RBM38: variants seen among roughly 807,000 people sequenced by gnomAD.
RBM38 encodes RNA binding motif protein 38.
Under a neutral mutation model 23.5 loss-of-function variants are expected in RBM38, and 11 were observed. The observed-to-expected ratio is 0.47, with a 90% CI of 0.29 to 0.77. The LOEUF (loss-of-function observed/expected upper bound fraction) is 0.77, where lower values mean the gene tolerates loss of function less well. Ranked by LOEUF, RBM38 falls within the 30% of genes least tolerant of loss-of-function variation. The pLI, the probability that RBM38 is intolerant of heterozygous loss-of-function variation, is 0.08. For missense variants in RBM38, 330 were observed against 351.9 expected (o/e 0.94, Z 0.50); for synonymous variants, 165 against 166.1 (o/e 0.99, Z 0.05).
intron 1 of RBM38, 76 bp from the exon 2 acceptor site, chr20:57,392,578 G>C (rs2067231196): frequency 6.5e-7 from 1 of 1,530,602 alleles, no homozygotes. Context: ...AGCATCCGGT[G>C]CCAGGGCGGA....
At chr20:57,403,644 CAG>C (rs1568812490) in intron 3 of RBM38, among the ~76,000 whole-genome samples, 4 of 151,708 alleles carry the variant, frequency 2.6e-5, no homozygotes, top group South Asian at 2.1e-4. Context: ...TTTTTTGAGA[CAG>C]AGTTTTGCTC....
rs553970181 is a variant in RBM38, at chr20:57,392,323, G to C, written c.238-331G>C. The C allele has an allele frequency of 8.0e-5, 78 of 972,620 alleles. No individual in the cohort carries two copies. The Admixed American group carries it at 1.3e-3, about 16-fold the overall frequency. The allele number at this position is 972,620 out of a possible 1,614,324, so 60.2% of individuals were successfully genotyped here. ...AAACTCCTTCTCAGAGGAAAGTCTC[G>C]GCCCTCACTGGTGGGCAAGTCCAGG... On this transcript the variant is annotated intron_variant, in intron 1 of 3. Coordinates refer to ENST00000356208, the MANE Select transcript of RBM38 (RefSeq NM_017495.6).
intron 3 of RBM38, among the ~76,000 whole-genome samples, chr20:57,399,355 G>A (rs745528750): frequency 1.3e-5 from 2 of 152,216 alleles, no homozygotes; most frequent in Non-Finnish European, 2.9e-5. Context: ...GTATTGTGGT[G>A]GTTGGAGGCC....
chr20:57,392,668 C>T lies in RBM38; in HGVS notation c.252C>T (p.Asp84=), dbSNP rs1323109685. Reference sequence around the variant, plus strand: ...TGCTCCACCAGGTGACCATGGCCGACCGGGCGGCAGCTGAGAGGGCTTGCA... The same window carrying T: ...TGCTCCACCAGGTGACCATGGCCGATCGGGCGGCAGCTGAGAGGGCTTGCA... ...SRGYGFVTMA[D]RAAAERACKD... Residue 84 remains aspartate (D), a synonymous_variant, in exon 2 of 4, where the codon GAC becomes GAT. Coordinates refer to ENST00000356208, the MANE Select transcript of RBM38 (RefSeq NM_017495.6). 4 of 1,612,084 alleles carry T rather than the reference C, an allele frequency of 2.5e-6. No individual in the cohort carries two copies. Among genetic ancestry groups the T allele is most frequent in the Admixed American group, 1.7e-5 (1 of 59,860 alleles).
rs201066490 is a variant in RBM38, at chr20:57,407,757, G to A, written c.631G>A (p.Val211Met). 10,229 of 1,610,006 alleles carry A rather than the reference G, an allele frequency of 6.4e-3. 56 individuals are homozygous for A. Among genetic ancestry groups the A allele is most frequent in the South Asian group, 0.015 (1,337 of 90,808 alleles). ...SFVGYSYPAA[V>M]PQALSAAAPA... ...CGTGGGCTACAGCTACCCTGCCGCCGTGCCCCAGGCCCTCTCAGCCGCAGC... is the reference window on the plus strand; with the variant it reads ...CGTGGGCTACAGCTACCCTGCCGCCATGCCCCAGGCCCTCTCAGCCGCAGC... The change falls in exon 4 of 4, where the codon GTG becomes ATG. Residue 211 changes from valine (V) to methionine (M), a missense_variant. By Grantham distance (21) the Val-to-Met change is conservative (BLOSUM62 1). This residue lies in a region of RBM38 where 227 missense variants were observed against 216.4 expected (regional missense o/e 1.05). Transcript: ENST00000356208. The surrounding 1 kb of genome is among the most constrained non-coding windows in gnomAD (Gnocchi z 4.0).
At chr20:57,394,230 GAT>G (rs1288826151) in intron 3 of RBM38, among the ~76,000 whole-genome samples, 1 of 152,214 alleles carries the variant, frequency 6.6e-6, no homozygotes, top group Non-Finnish European at 1.5e-5. Context: ...GCACCACGTA[GAT>G]TCCATTGAGA....
chr20:57,404,027 C>A (rs1200349999), intron 3 of RBM38, among the ~76,000 whole-genome samples: 1 of 152,250 alleles, frequency 6.6e-6, no homozygotes, highest in Non-Finnish European at 1.5e-5. Flanking sequence ...ACAGGAGAGC[C>A]CCGCCTTCCT....
chr20:57,392,559 A>G lies in RBM38; in HGVS notation c.238-95A>G, dbSNP rs2067230948. ...AGGCACCCTCAGAGGAAGGGAAGAGAGGGGTGGCAGCATCCGGTGCCAGGG... is the reference window on the plus strand; with the variant it reads ...AGGCACCCTCAGAGGAAGGGAAGAGGGGGGTGGCAGCATCCGGTGCCAGGG... On this transcript the variant is annotated intron_variant, in intron 1 of 3. Transcript: ENST00000356208. 3 of 1,515,736 alleles carry G rather than the reference A, an allele frequency of 2.0e-6. No homozygotes were observed. The Admixed American group carries it at 6.5e-5, about 33-fold the overall frequency. 93.9% of individuals were successfully genotyped at this position (1,515,736 alleles called of 1,614,324 possible).
chr20:57,406,972 G>C lies in RBM38; in HGVS notation c.417-571G>C, dbSNP rs1476758946. Among the ~76,000 whole-genome samples, 137 of 145,226 alleles carry C rather than the reference G, an allele frequency of 9.4e-4. 1 individual carries two copies. Among genetic ancestry groups the C allele is most frequent in the African/African-American group, 3.4e-3 (130 of 37,760 alleles). On this transcript the variant is annotated intron_variant, in intron 3 of 3. Transcript: ENST00000356208. ...TCCCGCCACTGCACTCCAGCCTGGG[G>C]AACAGAGCGAGACTCTGTCTCAAAA...
At chr20:57,400,154 C>T (rs562325692) in intron 3 of RBM38, among the ~76,000 whole-genome samples, 22 of 152,246 alleles carry the variant, frequency 1.4e-4, no homozygotes, top group East Asian at 3.9e-4. Flanking sequence ...AAACAGAGGC[C>T]GGAGGGGCTG....
At position 57,407,918 on chromosome 20, in the gene RBM38, C is replaced by T; in HGVS notation, c.*72C>T. The T allele has an allele frequency of 2.7e-6, 4 of 1,480,974 alleles. No homozygotes were observed. Among genetic ancestry groups the T allele is most frequent in the Non-Finnish European group, 3.6e-6 (4 of 1,113,366 alleles). 91.7% of individuals were successfully genotyped at this position (1,480,974 alleles called of 1,614,324 possible). A position where few individuals can be genotyped will look rare whatever the true frequency, so the allele number is the denominator to read the frequency against. On this transcript the variant is annotated 3_prime_UTR_variant, in exon 4 of 4. Coordinates refer to ENST00000356208, the MANE Select transcript of RBM38 (RefSeq NM_017495.6). This position sits in a 1 kb window ranked among gnomAD's most constrained non-coding sequence, Gnocchi z 4.0. ...GACAGAGCTGCCAGGCCATGATGGG[C>T]TGGCGACAGCCCGGCTGAGCTTCAG...
chr20:57,395,795 G>A (rs1003094861), intron 3 of RBM38, among the ~76,000 whole-genome samples: 1 of 151,948 alleles, frequency 6.6e-6, no homozygotes, highest in Non-Finnish European at 1.5e-5. Flanking sequence ...GAGCTGGGCC[G>A]TCAGCGTCCC....
rs3206294 is a variant in RBM38, at chr20:57,392,766, G to A, written c.350G>A (p.Ser117Asn). 10 of 1,613,024 alleles carry A rather than the reference G, an allele frequency of 6.2e-6. No individual in the cohort carries two copies. Among genetic ancestry groups the A allele is most frequent in the Non-Finnish European group, 8.5e-6 (10 of 1,179,748 alleles). ...GCATATCTGGGCGCCAAGCCGCGGA[G>A]CCTCCAGACGGGTGAGAGCTTGTGT... Reference protein sequence around the residue: ...NLAYLGAKPRSLQTGFAIGVQ... With the variant: ...NLAYLGAKPRNLQTGFAIGVQ... The change falls in exon 2 of 4, where the codon AGC becomes AAC. Residue 117 changes from serine (S) to asparagine (N), a missense_variant. Around this residue, in one of 3 missense-constraint regions of RBM38, gnomAD observed 227 missense variants for 216.4 expected, o/e 1.05. Transcript: ENST00000356208.
chr20:57,403,095 A>G (rs1044652749), intron 3 of RBM38, among the ~76,000 whole-genome samples: 5 of 152,062 alleles, frequency 3.3e-5, no homozygotes, highest in African/African-American at 1.2e-4. Context: ...CCCGCACCTC[A>G]TATTCCTAGT....
chr20:57,402,095 G>A lies in RBM38; in HGVS notation c.417-5448G>A, dbSNP rs570847945. ...CCTGAGTAGCTGGGATTACAGGCAC[G>A]CACCACCACGCCCAGCTATTTTTGT... On this transcript the variant is annotated intron_variant, in intron 3 of 3. Coordinates refer to ENST00000356208, the MANE Select transcript of RBM38 (RefSeq NM_017495.6). 1.5e-4 allele frequency among the ~76,000 whole-genome samples: 23 copies of A among 152,098 alleles called. No individual in the cohort carries two copies. In the Middle Eastern group the frequency reaches 9.5e-3, roughly 63 times the overall value.
intron 3 of RBM38, among the ~76,000 whole-genome samples, chr20:57,399,006 G>A (rs1400950998): frequency 6.6e-6 from 1 of 152,230 alleles, no homozygotes; most frequent in Non-Finnish European, 1.5e-5. Flanking sequence ...CCAGGCTGGG[G>A]ATGCCTGCCA....
chr20:57,399,059 C>T (rs1451733273), intron 3 of RBM38, among the ~76,000 whole-genome samples: 1 of 152,164 alleles, frequency 6.6e-6, no homozygotes, highest in Admixed American at 6.5e-5. Context: ...AATCACAGTG[C>T]TTTCTGCAGC....
At chr20:57,401,646 G>A (rs183924311) in intron 3 of RBM38, among the ~76,000 whole-genome samples, 1 of 152,336 alleles carries the variant, frequency 6.6e-6, no homozygotes, top group East Asian at 1.9e-4. Flanking sequence ...AGGGGCTTCC[G>A]ATCATAAGGA....
rs146827607 is a variant in RBM38 at position 57,397,545 on chromosome 20, T to C, written c.416+4212T>C. Among the ~76,000 whole-genome samples, 348 of 152,208 alleles carry C rather than the reference T, an allele frequency of 2.3e-3. 1 individual carries two copies. The highest frequency in any genetic ancestry group is 3.9e-3 in the Non-Finnish European group (263 of 67,998). ...GTGAAGGTCTCTGGTGCCCACTGGG[T>C]AGTAGATGGCTGCCCTTACCATCAC... On this transcript the variant is annotated intron_variant, in intron 3 of 3. Coordinates refer to ENST00000356208, the MANE Select transcript of RBM38 (RefSeq NM_017495.6).
Sources: allele counts gnomAD v4.1 joint callset (sites outside exome capture counted in the v4.1 genomes callset), GRCh38; gene constraint gnomAD v4.1.1; regional missense constraint gnomAD v4.1.1; non-coding constraint Gnocchi (gnomAD v3.1); transcripts MANE v1.5; gene names NCBI Gene and HGNC (gene_info 2026-07-23, HGNC 2026-07-21).